CFAP221: variants seen among roughly 807,000 people sequenced by gnomAD.
CFAP221 encodes the protein cilia- and flagella-associated protein 221.
Under a neutral mutation model 113.1 loss-of-function variants are expected in CFAP221, and 97 were observed. The observed-to-expected ratio is 0.86, with a 90% confidence interval of 0.73 to 1.02. The LOEUF is 1.02. Among genes scored for constraint, CFAP221 ranks in the 50% least tolerant of loss-of-function variants. The pLI is 0.00. For missense variants in CFAP221, 1,025 were observed against 1,013.4 expected, an observed-to-expected ratio of 1.01 and a Z score of -0.16; for synonymous variants, 331 against 354.4, an observed-to-expected ratio of 0.93 and a Z score of 0.74.
Position 119,639,848 on chromosome 2 carries a change from C to G in CFAP221, c.2201C>G (p.Pro734Arg). 1 of 1,614,092 alleles carries G rather than the reference C, an allele frequency of 6.2e-7. No individual in the cohort carries two copies. The highest frequency in any genetic ancestry group is 1.6e-4 in the Middle Eastern group (1 of 6,062). Residue 734 changes from proline (P) to arginine (R), a missense_variant, in exon 21 of 24, where the codon CCC (proline) becomes CGC (arginine). Transcript: ENST00000413369. ...QSLVLSSLPD[P>R]SKMETTKSCD... ...CTGGTTCTCTCCTCCCTGCCGGACC[C>G]CTCCAAGATGGAGACCACAAAGAGG...
chr2:119,579,946 CG>C (rs917731632), intron 6 of CFAP221, among the ~76,000 whole-genome samples: 3 of 152,144 alleles, frequency 2.0e-5, no homozygotes, highest in African/African-American at 7.2e-5. Flanking sequence ...TGTGTGGCTG[CG>C]TGAGTCCACT....
intron 21 of CFAP221, among the ~76,000 whole-genome samples, chr2:119,640,688 G>A (rs1209130990): frequency 6.6e-6 from 1 of 152,266 alleles, no homozygotes. Flanking sequence ...CCACCCCAAG[G>A]TGGCAGAGCC....
intron 11 of CFAP221, among the ~76,000 whole-genome samples, chr2:119,607,387 T>TCTC (rs1684847591): frequency 6.6e-6 from 1 of 152,328 alleles, no homozygotes; most frequent in Non-Finnish European, 1.5e-5. Context: ...GTCCCTTTAG[T>TCTC]CTCCTCTAAC....
chr2:119,651,810 A>G (rs1688145235), intron 22 of CFAP221, among the ~76,000 whole-genome samples, 164 bp from the exon 23 acceptor site: 1 of 152,252 alleles, frequency 6.6e-6, no homozygotes, highest in Non-Finnish European at 1.5e-5. Flanking sequence ...GTGGACAGCA[A>G]TTTATCAGCC....
intron 21 of CFAP221, among the ~76,000 whole-genome samples, chr2:119,646,588 A>G (rs1359536092): frequency 2.6e-5 from 4 of 152,094 alleles, no homozygotes; most frequent in African/African-American, 9.7e-5. Context: ...ACCAGGCTCC[A>G]CCTCCAACAC....
intron 23 of CFAP221, among the ~76,000 whole-genome samples, chr2:119,652,389 C>A (rs1302780336): frequency 6.6e-6 from 1 of 152,208 alleles, no homozygotes; most frequent in Non-Finnish European, 1.5e-5. Flanking sequence ...GCCAGACCAT[C>A]TGGAGCTGCA....
Position 119,546,212 on chromosome 2 carries a change from G to C in CFAP221, c.81G>C (p.Lys27Asn). 6.5e-7 allele frequency: 1 copy of C among 1,535,840 alleles called. No individual in the cohort carries two copies. Among genetic ancestry groups the C allele is most frequent in the South Asian group, 1.2e-5 (1 of 84,038 alleles). ...ATAATGCATCACCCCATCTCTTGAA[G>C]AACCTAGTGGAGGAGCCGAAAAAAA... is the stretch of plus-strand genomic sequence containing the variant. ...PFNNASPHLL[K>N]NLVEEPKKRK... is the part of the protein sequence containing the mutation. The change falls in exon 2 of 24, where the codon AAG becomes AAC. Residue 27 changes from lysine to asparagine, a missense_variant. Lys to Asn is a moderately conservative substitution (Grantham distance 94, BLOSUM62 0). Coordinates refer to ENST00000413369, the MANE Select transcript of CFAP221 (RefSeq NM_001271049.2).
chr2:119,619,680 C>T (rs949844576), intron 14 of CFAP221, among the ~76,000 whole-genome samples: 1 of 152,184 alleles, frequency 6.6e-6, no homozygotes, highest in Admixed American at 6.5e-5. Flanking sequence ...AATACCTCCT[C>T]TCCTCCAAAG....
In CFAP221 at chr2:119,640,179, C is replaced by T. The variant is rs116256547; in HGVS notation, c.2225+307C>T. Among the ~76,000 whole-genome samples, 1,064 of 148,392 alleles carry T rather than the reference C, an allele frequency of 7.2e-3. 12 individuals are homozygous for T. Among genetic ancestry groups the T allele is most frequent in the African/African-American group, 0.025 (1,007 of 40,120 alleles). On this transcript the variant is annotated intron_variant, in intron 21 of 23. Transcript: ENST00000413369. The stretch of plus-strand genomic sequence containing the variant: ...CAATCTTTTTAAAATTCATAAATTG[C>T]GGCCTGGGTGACAGAGAGAGACTCC...
intron 7 of CFAP221, among the ~76,000 whole-genome samples, chr2:119,598,974 A>T (rs570713966): frequency 6.6e-6 from 1 of 152,294 alleles, no homozygotes; most frequent in South Asian, 2.1e-4. Context: ...TTTATGGGTT[A>T]AAGGGGGCTA....
chr2:119,629,882 A>G lies in CFAP221; in HGVS notation c.1658A>G (p.Asp553Gly), dbSNP rs753503417. The part of the protein sequence containing the change: ...PPQDSNELAP[D>G]GLGLVPIKSS... The stretch of plus-strand genomic sequence containing the variant: ...TCTCCTTTCACATTTTAGGCTCCTG[A>G]TGGCCTTGGACTGGTCCCAATTAAG... Residue 553 changes from aspartate to glycine, a missense_variant, in exon 17 of 24, where the codon GAT becomes GGT. Physicochemically the swap from Asp to Gly is moderately conservative, Grantham distance 94. Coordinates refer to ENST00000413369, the MANE Select transcript of CFAP221 (RefSeq NM_001271049.2). 6.2e-7 allele frequency: 1 copy of G among 1,611,292 alleles called. No individual in the cohort carries two copies. The highest frequency in any genetic ancestry group is 8.5e-7 in the Non-Finnish European group (1 of 1,178,258).
intron 6 of CFAP221, among the ~76,000 whole-genome samples, chr2:119,564,397 A>G (rs1681476201): frequency 6.6e-6 from 1 of 152,174 alleles, no homozygotes; most frequent in African/African-American, 2.4e-5. Flanking sequence ...TAAAATAAAT[A>G]ATACATATAA....
intron 8 of CFAP221, among the ~76,000 whole-genome samples, chr2:119,602,938 T>C (rs748086091): frequency 6.6e-6 from 1 of 152,238 alleles, no homozygotes; most frequent in Non-Finnish European, 1.5e-5. Context: ...ACGCTATTTC[T>C]AAATTATTAT....
chr2:119,631,301 C>T (rs1287629403), intron 19 of CFAP221, among the ~76,000 whole-genome samples: 1 of 152,026 alleles, frequency 6.6e-6, no homozygotes, highest in Non-Finnish European at 1.5e-5. Context: ...CCTAAGCTAC[C>T]CCTTTAAAAA....
At chr2:119,550,572 C>T (rs1411450050) in intron 3 of CFAP221, among the ~76,000 whole-genome samples, 1 of 152,124 alleles carries the variant, frequency 6.6e-6, no homozygotes, top group Non-Finnish European at 1.5e-5. Context: ...CATTTTGAAG[C>T]CTACTGTTCG....
At chr2:119,630,004 C>T (rs1686654605) in intron 17 of CFAP221, 49 bp downstream of exon 17, 2 of 1,462,206 alleles carry the variant, frequency 1.4e-6, no homozygotes, top group Non-Finnish European at 9.5e-7. Flanking sequence ...ATTAAGTAAA[C>T]AAAATATTCT....
At chr2:119,620,916 A>G (rs1287045569) in intron 14 of CFAP221, among the ~76,000 whole-genome samples, 1 of 151,988 alleles carries the variant, frequency 6.6e-6, no homozygotes, top group Non-Finnish European at 1.5e-5. Context: ...AGCAAATGGA[A>G]AGTTAAAAAA....
chr2:119,562,217 C>T, intron 6 of CFAP221, 103 bp downstream of exon 6: 1 of 650,460 alleles, frequency 1.5e-6, no homozygotes. Context: ...GTTCATCCTT[C>T]CACCTGAAAT....
intron 14 of CFAP221, among the ~76,000 whole-genome samples, chr2:119,621,965 A>G (rs547713752): frequency 1.3e-5 from 2 of 152,070 alleles, no homozygotes; most frequent in South Asian, 2.1e-4. Context: ...CCCTAACATT[A>G]TAATGAAAAT....
Sources: allele counts gnomAD v4.1 joint callset (sites outside exome capture counted in the v4.1 genomes callset), GRCh38; gene constraint gnomAD v4.1.1; transcripts MANE v1.5; gene names NCBI Gene and HGNC (gene_info 2026-07-23, HGNC 2026-07-21).